EHD3: variants seen among roughly 807,000 people sequenced by gnomAD.
EHD3 encodes the protein EH domain-containing protein 3.
Under a neutral mutation model 43.0 loss-of-function variants are expected in EHD3, and 17 were observed. The observed-to-expected ratio is 0.40, with a 90% CI of 0.27 to 0.59. EHD3 has a LOEUF of 0.59. EHD3 is among the 20% of genes least tolerant of loss of function. The pLI, the probability that EHD3 is intolerant of heterozygous loss-of-function variation, is 0.49. For synonymous variants in EHD3, 313 were observed against 289.5 expected (o/e 1.08, Z -0.82); for missense variants, 594 against 705.6 (o/e 0.84, Z 1.79).
At chr2:31,242,661 A>G (rs930267255) in intron 1 of EHD3, among the ~76,000 whole-genome samples, 11 of 152,242 alleles carry the variant, frequency 7.2e-5, no homozygotes, top group African/African-American at 2.7e-4. Flanking sequence ...CTATGCTAAA[A>G]AATAAGATCA....
At chr2:31,241,623 T>G (rs951657467) in intron 1 of EHD3, among the ~76,000 whole-genome samples, 2 of 152,162 alleles carry the variant, frequency 1.3e-5, no homozygotes, top group Non-Finnish European at 2.9e-5. Flanking sequence ...ATGGAAAATT[T>G]AGAACAACGT....
intron 2 of EHD3, among the ~76,000 whole-genome samples, chr2:31,246,676 C>T (rs569928620): frequency 1.3e-5 from 2 of 152,196 alleles, no homozygotes; most frequent in East Asian, 3.9e-4. Context: ...TTAATCAAAC[C>T]CAGCAAGTCT....
chr2:31,243,473 T>TTTTTTTTTA (rs1683461753), intron 1 of EHD3, among the ~76,000 whole-genome samples: 1 of 141,236 alleles, frequency 7.1e-6, no homozygotes, highest in African/African-American at 2.6e-5. Context: ...TTTTTTTTTT[T>TTTTTTTTTA]GAGACAGAGT....
chr2:31,268,937 C>G lies in EHD3; in HGVS notation c.*2233C>G, dbSNP rs930667351. On this transcript the variant is annotated 3_prime_UTR_variant, in exon 6 of 6. Coordinates refer to ENST00000322054, the MANE Select transcript of EHD3 (RefSeq NM_014600.3). ...TCTACATATGCTGCCTCTCTTCCCT[C>G]TCTCCATCTTGAAGTCTCCACCCAG... 1.3e-5 allele frequency: 2 copies of G among 152,334 alleles called. No individual in the cohort carries two copies. Among genetic ancestry groups the G allele is most frequent in the Admixed American group, 1.3e-4 (2 of 15,292 alleles). The allele number at this position is 152,334 out of a possible 1,614,324, so 9.4% of individuals were successfully genotyped here. A position where few individuals can be genotyped will look rare whatever the true frequency, so the allele number is the denominator to read the frequency against.
At chr2:31,236,740 A>G (rs936904681) in intron 1 of EHD3, among the ~76,000 whole-genome samples, 18 of 152,208 alleles carry the variant, frequency 1.2e-4, no homozygotes, top group African/African-American at 4.1e-4. Context: ...ATGCCTTAGC[A>G]TCTCTGGGGC....
In EHD3 at chr2:31,257,408, C is replaced by T. The variant is rs377041410; in HGVS notation, c.503-3102C>T. Among the ~76,000 whole-genome samples the T allele has an allele frequency of 1.1e-4, 16 of 144,054 alleles. No individual in the cohort carries two copies. In the East Asian group the frequency reaches 1.4e-3, roughly 13 times the overall value. 94.5% of individuals were successfully genotyped at this position (144,054 alleles called of 152,430 possible). A position where few individuals can be genotyped will look rare whatever the true frequency, so the allele number is the denominator to read the frequency against. On this transcript the variant is annotated intron_variant, in intron 3 of 5. Transcript: ENST00000322054. ...CTGAAGTGGGAATGCTTAGGCTTCC[C>T]GGGCTCCAGTGAGGAGCTGGCTGTG...
intron 1 of EHD3, among the ~76,000 whole-genome samples, chr2:31,239,768 G>A (rs769037109): frequency 6.6e-6 from 1 of 152,200 alleles, no homozygotes; most frequent in Admixed American, 6.5e-5. Flanking sequence ...GGGAGGGGGA[G>A]GCAGAACCAG....
At chr2:31,257,543 T>C (rs1324359627) in intron 3 of EHD3, among the ~76,000 whole-genome samples, 1 of 152,108 alleles carries the variant, frequency 6.6e-6, no homozygotes, top group Non-Finnish European at 1.5e-5. Context: ...TGTTTGACTC[T>C]CTCCTCTCTG....
intron 5 of EHD3, among the ~76,000 whole-genome samples, chr2:31,263,147 C>T (rs778512872): frequency 3.3e-5 from 5 of 152,130 alleles, no homozygotes; most frequent in African/African-American, 7.2e-5. Flanking sequence ...TTCATGTGTC[C>T]ATTCACTCAT....
chr2:31,239,274 C>G (rs1243741038), intron 1 of EHD3, among the ~76,000 whole-genome samples: 1 of 152,180 alleles, frequency 6.6e-6, no homozygotes, highest in Non-Finnish European at 1.5e-5. Flanking sequence ...CAGGCATAGC[C>G]CCTGCACCAC....
chr2:31,254,901 C>T (rs946850692), intron 3 of EHD3, among the ~76,000 whole-genome samples: 1 of 152,196 alleles, frequency 6.6e-6, no homozygotes, highest in African/African-American at 2.4e-5. Flanking sequence ...TTATGAAGAG[C>T]GAATGAGGTC....
rs1192293970 is a variant in EHD3 at position 31,266,124 on chromosome 2, AG to A, written c.1081-50del. 3 of 1,545,888 alleles carry A rather than the reference AG, an allele frequency of 1.9e-6. No homozygotes were observed. The highest frequency in any genetic ancestry group is 2.6e-6 in the Non-Finnish European group (3 of 1,143,758). Reference sequence around the variant, plus strand: ...CTCATAGGAGGCACGTGATAAATGGAGGGCTCTCCTTTCATCGTATCCTATC... The same window carrying A: ...CTCATAGGAGGCACGTGATAAATGGAGGCTCTCCTTTCATCGTATCCTATC... On this transcript the variant is annotated intron_variant, in intron 5 of 5. Coordinates refer to ENST00000322054, the MANE Select transcript of EHD3 (RefSeq NM_014600.3). This position sits in a 1 kb window ranked among gnomAD's most constrained non-coding sequence, Gnocchi z 5.1.
chr2:31,243,440 C>A (rs1295616405), intron 1 of EHD3, among the ~76,000 whole-genome samples: 1 of 87,744 alleles, frequency 1.1e-5, no homozygotes, highest in African/African-American at 5.2e-5. Flanking sequence ...TTCTTTCTTT[C>A]TTTCTTTCTT....
rs1397201560 is a variant in EHD3 at position 31,244,191 on chromosome 2, G to T, written c.228-83G>T. ...GTGGCCCTGCCCTCCCCTCTGACTC[G>T]CATGTTGTCTGCCTTATAGTAGACA... is the stretch of plus-strand genomic sequence containing the variant. On this transcript the variant is annotated intron_variant, in intron 1 of 5. Coordinates refer to ENST00000322054, the MANE Select transcript of EHD3 (RefSeq NM_014600.3). 7 of 1,391,208 alleles carry T rather than the reference G, an allele frequency of 5.0e-6. 1 individual carries two copies. In the South Asian group the frequency reaches 1.2e-4, roughly 23 times the overall value. The allele number at this position is 1,391,208 out of a possible 1,614,324, so 86.2% of individuals were successfully genotyped here. A position where few individuals can be genotyped will look rare whatever the true frequency, so the allele number is the denominator to read the frequency against.
chr2:31,244,838 G>A (rs1040668871), intron 2 of EHD3, among the ~76,000 whole-genome samples: 5 of 152,120 alleles, frequency 3.3e-5, no homozygotes, highest in South Asian at 2.1e-4. Context: ...TTCTATTCAC[G>A]GATATTGTTT....
chr2:31,257,927 G>A (rs949505211), intron 3 of EHD3, among the ~76,000 whole-genome samples: 3 of 152,134 alleles, frequency 2.0e-5, no homozygotes, highest in Non-Finnish European at 4.4e-5. Context: ...CCTCAGGATG[G>A]CACCTGGAGA....
Position 31,267,898 on chromosome 2 carries a change from T to C in EHD3, c.*1194T>C, listed in dbSNP as rs1446764191. 1 of 152,276 alleles carries C rather than the reference T, an allele frequency of 6.6e-6. No individual in the cohort carries two copies. The highest frequency in any genetic ancestry group is 1.5e-5 in the Non-Finnish European group (1 of 68,046). The allele number at this position is 152,276 out of a possible 1,614,324, so 9.4% of individuals were successfully genotyped here. On this transcript the variant is annotated 3_prime_UTR_variant, in exon 6 of 6. Transcript: ENST00000322054. The stretch of plus-strand genomic sequence containing the variant: ...CGTCACAGAAGCAAACCGTGCCTTC[T>C]GGCTCTGCGCCCCATATTCCCAGCA...
chr2:31,264,208 T>G lies in EHD3; in HGVS notation c.1081-1969T>G, dbSNP rs1008119732. Among the ~76,000 whole-genome samples, 5 of 152,326 alleles carry G rather than the reference T, an allele frequency of 3.3e-5. 1 individual carries two copies. Among genetic ancestry groups the G allele is most frequent in the Admixed American group, 2.6e-4 (4 of 15,306 alleles). ...ACCTATTGCTTCTAGGCCACAGACC[T>G]AGCATGTGACTGTACTGAAGGCTGT... On this transcript the variant is annotated intron_variant, in intron 5 of 5. Transcript: ENST00000322054.
chr2:31,262,909 C>T (rs927186276), intron 5 of EHD3, among the ~76,000 whole-genome samples: 7 of 151,866 alleles, frequency 4.6e-5, no homozygotes, highest in African/African-American at 1.5e-4. Context: ...AGAAAGACTC[C>T]ATCTCAAAAA....
Sources: allele counts gnomAD v4.1 joint callset (sites outside exome capture counted in the v4.1 genomes callset), GRCh38; gene constraint gnomAD v4.1.1; non-coding constraint Gnocchi (gnomAD v3.1); transcripts MANE v1.5; gene names NCBI Gene and HGNC (gene_info 2026-07-23, HGNC 2026-07-21).